Variants in CSMD2 observed in about 807,000 individuals in gnomAD.
CSMD2 encodes CUB and Sushi multiple domains 2, also known as CUB and sushi domain-containing protein 2.
CSMD2 carries 130 observed loss-of-function variants against 398.5 expected under a neutral mutation model. The observed-to-expected ratio is 0.33, with a 90% CI of 0.28 to 0.38. The LOEUF (loss-of-function observed/expected upper bound fraction) is 0.38. Among genes scored for constraint, CSMD2 ranks in the 10% least tolerant of loss-of-function variants. The pLI is 1.00. For missense variants in CSMD2, 3,829 were observed against 4,764.9 expected, an observed-to-expected ratio of 0.80 and a Z score of 5.78; for synonymous variants, 1,828 against 1,908.5, an observed-to-expected ratio of 0.96 and a Z score of 1.10.
chr1:34,077,079 A>G (rs1656468056), intron 2 of CSMD2, among the ~76,000 whole-genome samples: 1 of 151,034 alleles, frequency 6.6e-6, no homozygotes, highest in African/African-American at 2.4e-5. Context: ...AAAGGGGGCT[A>G]GGATTGGGGT....
At chr1:34,085,332 T>A (rs780945406) in intron 2 of CSMD2, among the ~76,000 whole-genome samples, 1 of 151,912 alleles carries the variant, frequency 6.6e-6, no homozygotes, top group Non-Finnish European at 1.5e-5. Context: ...CATACATATG[T>A]AACAAACCTG....
intron 22 of CSMD2, among the ~76,000 whole-genome samples, chr1:33,702,582 T>G (rs1645645644): frequency 6.6e-6 from 1 of 152,178 alleles, no homozygotes; most frequent in African/African-American, 2.4e-5. Flanking sequence ...GTTTTTATAA[T>G]TTTTTATAAC....
intron 3 of CSMD2, among the ~76,000 whole-genome samples, chr1:33,968,323 C>T (rs1396280433): frequency 6.6e-6 from 1 of 152,180 alleles, no homozygotes; most frequent in Admixed American, 6.5e-5. Context: ...GCAGATGGCC[C>T]CCAAGGTGAC....
At position 33,645,388 on chromosome 1, in the gene CSMD2, CACACAT is replaced by C. The variant is rs879747453; in HGVS notation, c.4774+1254_4774+1259del. On this transcript the variant is annotated intron_variant, in intron 29 of 70. Coordinates refer to ENST00000373381, the MANE Select transcript of CSMD2 (RefSeq NM_001281956.2). ...ACACACACACACACACACACACACA[CACACAT>C]ATATAAAATATGCATGTATAAAATA... Among the ~76,000 whole-genome samples, 1,005 of 134,934 alleles carry C rather than the reference CACACAT, an allele frequency of 7.4e-3. 15 individuals are homozygous for C. Among genetic ancestry groups the C allele is most frequent in the African/African-American group, 0.029 (950 of 32,690 alleles). The allele number at this position is 134,934 out of a possible 152,430, so 88.5% of individuals were successfully genotyped here.
intron 6 of CSMD2, among the ~76,000 whole-genome samples, chr1:33,835,713 T>TAAAAA (rs1660159694): frequency 4.1e-5 from 2 of 48,872 alleles, no homozygotes; most frequent in Non-Finnish European, 3.2e-5. Flanking sequence ...AAAATACATT[T>TAAAAA]CAAAAAAAAA....
intron 22 of CSMD2, among the ~76,000 whole-genome samples, chr1:33,701,578 C>T (rs1343070007): frequency 1.3e-5 from 2 of 152,206 alleles, no homozygotes; most frequent in African/African-American, 2.4e-5. Flanking sequence ...CAAATTGGCA[C>T]AATATTTCCA....
At chr1:33,561,991 C>T (rs1350758281) in intron 53 of CSMD2, among the ~76,000 whole-genome samples, 1 of 152,064 alleles carries the variant, frequency 6.6e-6, no homozygotes, top group Non-Finnish European at 1.5e-5. Context: ...TTGGGAATAC[C>T]ACTTTTTGAA....
chr1:34,035,504 C>G (rs1197216408), intron 2 of CSMD2, among the ~76,000 whole-genome samples: 1 of 151,996 alleles, frequency 6.6e-6, no homozygotes, highest in African/African-American at 2.4e-5. Flanking sequence ...TATTTTTACA[C>G]CATAACCAAG....
At chr1:34,081,243 G>A (rs61771419) in intron 2 of CSMD2, among the ~76,000 whole-genome samples, 29,629 of 151,980 alleles carry the variant, frequency 0.19, 3,570 homozygotes, top group South Asian at 0.39. Context: ...GCTTGCTGCT[G>A]CCTCTCCACA....
intron 2 of CSMD2, among the ~76,000 whole-genome samples, chr1:34,047,751 C>T (rs933875731): frequency 1.3e-5 from 2 of 152,206 alleles, no homozygotes; most frequent in African/African-American, 2.4e-5. Context: ...GTTAGCCAAT[C>T]ATCCAAAGGG....
At chr1:33,873,068 T>A (rs1324295365) in intron 5 of CSMD2, among the ~76,000 whole-genome samples, 5 of 152,232 alleles carry the variant, frequency 3.3e-5, no homozygotes, top group Admixed American at 2.0e-4. Flanking sequence ...AGATAATTTA[T>A]CTCCTTAGCT....
At chr1:33,601,796 A>T (rs891586581) in intron 43 of CSMD2, among the ~76,000 whole-genome samples, 7 of 152,238 alleles carry the variant, frequency 4.6e-5, no homozygotes, top group African/African-American at 1.7e-4. Flanking sequence ...CCAGCCACAC[A>T]TGGCTATTTA....
At chr1:33,569,170 G>T (rs1338495708) in intron 52 of CSMD2, among the ~76,000 whole-genome samples, 1 of 152,194 alleles carries the variant, frequency 6.6e-6, no homozygotes, top group African/African-American at 2.4e-5. Context: ...TAGATCTGAG[G>T]TTCTTCTCCT....
chr1:33,833,195 T>TA (rs1252025925), intron 6 of CSMD2, among the ~76,000 whole-genome samples: 11 of 121,922 alleles, frequency 9.0e-5, no homozygotes, highest in Middle Eastern at 3.8e-3. Flanking sequence ...AGAGACACAA[T>TA]CAAAAAAGAG....
intron 3 of CSMD2, among the ~76,000 whole-genome samples, chr1:33,972,613 G>A (rs1245494024): frequency 6.6e-6 from 1 of 152,096 alleles, no homozygotes; most frequent in African/African-American, 2.4e-5. Flanking sequence ...CGGGAGGACG[G>A]GGCCATAATC....
chr1:33,610,936 C>T lies in CSMD2; in HGVS notation c.6343+105G>A, dbSNP rs920078395. 24 of 1,133,418 alleles carry T rather than the reference C, an allele frequency of 2.1e-5. No individual in the cohort carries two copies. The African/African-American group carries it at 3.7e-4, about 17-fold the overall frequency. The allele number at this position is 1,133,418 out of a possible 1,614,324, so 70.2% of individuals were successfully genotyped here. A position where few individuals can be genotyped will look rare whatever the true frequency, so the allele number is the denominator to read the frequency against. On this transcript the variant is annotated intron_variant, in intron 41 of 70. Coordinates refer to ENST00000373381, the MANE Select transcript of CSMD2 (RefSeq NM_001281956.2). ...CTGGGCCTGCCACCGCAACCCACCC[C>T]TTATGGTGTTCTGTTTTCCCCCACA...
intron 1 of CSMD2, among the ~76,000 whole-genome samples, chr1:34,162,284 A>T (rs1220071003): frequency 2.0e-5 from 3 of 151,692 alleles, no homozygotes; most frequent in Non-Finnish European, 4.4e-5. Context: ...GCAAGGCAGG[A>T]CAAGGACTAA....
At chr1:34,066,043 G>T (rs1655070093) in intron 2 of CSMD2, among the ~76,000 whole-genome samples, 1 of 152,154 alleles carries the variant, frequency 6.6e-6, no homozygotes, top group Non-Finnish European at 1.5e-5. Context: ...ACCGTAGGAA[G>T]ACACTTCCTC....
chr1:33,677,300 G>T (rs1348212902), intron 25 of CSMD2, among the ~76,000 whole-genome samples: 1 of 152,094 alleles, frequency 6.6e-6, no homozygotes, highest in Non-Finnish European at 1.5e-5. Flanking sequence ...AGTGGGCAAC[G>T]GATATGAACA....
Sources: gnomAD v4.1 joint callset for allele counts (sites outside exome capture counted in the v4.1 genomes callset) on GRCh38, gnomAD v4.1.1 for gene constraint, MANE v1.5 for transcripts, NCBI Gene and HGNC (gene_info 2026-07-23, HGNC 2026-07-21) for gene names.